VWA2: variants seen among roughly 807,000 people sequenced by gnomAD.
The protein encoded by VWA2 is von Willebrand factor A domain containing 2.
In VWA2, 73 loss-of-function variants were observed where a neutral mutation model predicts 70.4. The ratio of observed to expected loss-of-function variants is 1.04; its 90% CI spans 0.86 to 1.26. The LOEUF (loss-of-function observed/expected upper bound fraction) is 1.26, where lower values mean the gene tolerates loss of function less well. Ranked by LOEUF, VWA2 falls within the 50% of genes most tolerant of loss-of-function variation. VWA2 has a pLI of 0.00. For synonymous variants in VWA2, 407 were observed against 423.3 expected (o/e 0.96, Z 0.47); for missense variants, 1,011 against 998.5 (o/e 1.01, Z -0.17).
intron 5 of VWA2, among the ~76,000 whole-genome samples, chr10:114,268,037 C>T (rs2037612901): frequency 6.6e-6 from 1 of 152,122 alleles, no homozygotes; most frequent in Admixed American, 6.5e-5. Context: ...CTCAGAGGTG[C>T]TAGACCCAGT....
intron 6 of VWA2, among the ~76,000 whole-genome samples, 175 bp from the exon 7 acceptor site, chr10:114,277,739 G>A (rs554495548): frequency 3.3e-5 from 5 of 152,140 alleles, no homozygotes; most frequent in East Asian, 1.9e-4. Context: ...CTGTCACCTC[G>A]AACCACTTTC....
At chr10:114,246,928 C>A (rs1039745050) in intron 1 of VWA2, among the ~76,000 whole-genome samples, 2 of 152,212 alleles carry the variant, frequency 1.3e-5, no homozygotes, top group Non-Finnish European at 2.9e-5. Context: ...AAAGTAGCCA[C>A]AAGAATTGTG....
intron 10 of VWA2, among the ~76,000 whole-genome samples, 168 bp downstream of exon 10, chr10:114,285,138 T>C (rs1388819625): frequency 6.6e-6 from 1 of 152,192 alleles, no homozygotes; most frequent in Non-Finnish European, 1.5e-5. Context: ...CTGTCAGTGC[T>C]CCGTGAGTAG....
chr10:114,282,524 G>C lies in VWA2; in HGVS notation c.842G>C (p.Arg281Thr), dbSNP rs779748702. The C allele has an allele frequency of 6.2e-7, 1 of 1,614,034 alleles. No homozygotes were observed. The highest frequency in any genetic ancestry group is 8.5e-7 in the Non-Finnish European group (1 of 1,179,896). The change falls in exon 9 of 14, where the codon AGA becomes ACA. Residue 281 changes from arginine to threonine, a missense_variant. By Grantham distance (71) the Arg-to-Thr change is moderately conservative. Transcript: ENST00000392982. ...AAHCPFYSWK[R>T]VFLTHPATCY... is the part of the protein sequence containing the mutation. ...GTTTCCTTGGATTGTAGCTGGAAGA[G>C]AGTGTTCCTAACCCACCCTGCCACC...
At chr10:114,276,326 C>T (rs898708424) in intron 6 of VWA2, among the ~76,000 whole-genome samples, 17 of 152,196 alleles carry the variant, frequency 1.1e-4, no homozygotes, top group Admixed American at 7.2e-4. Context: ...CTGCTGGAAA[C>T]GCACAGCCTG....
chr10:114,287,157 G>T (rs2039003206), intron 11 of VWA2, among the ~76,000 whole-genome samples: 1 of 152,168 alleles, frequency 6.6e-6, no homozygotes, highest in Non-Finnish European at 1.5e-5. Context: ...CCTGGCCCAT[G>T]GCCAGAGATG....
chr10:114,248,740 C>T lies in VWA2; in HGVS notation c.27C>T (p.Ala9=), dbSNP rs141979531. The change falls in exon 2 of 14, where the codon GCC becomes GCT. Residue 9 remains alanine (A), a synonymous_variant. Transcript: ENST00000392982. ...TGCCCCCTTTCCTGTTGCTGGAAGCCGTCTGTGTTTTCCTGTTTTCCAGAG... is the reference window on the plus strand; with the variant it reads ...TGCCCCCTTTCCTGTTGCTGGAAGCTGTCTGTGTTTTCCTGTTTTCCAGAG... MPPFLLLE[A]VCVFLFSRVP... 4.3e-5 allele frequency: 70 copies of T among 1,613,470 alleles called. No homozygotes were observed. Among genetic ancestry groups the T allele is most frequent in the African/African-American group, 9.4e-5 (7 of 74,830 alleles).
At chr10:114,250,763 T>C (rs952020665) in intron 2 of VWA2, among the ~76,000 whole-genome samples, 9 of 152,250 alleles carry the variant, frequency 5.9e-5, no homozygotes, top group South Asian at 2.1e-4. Flanking sequence ...GCCAAGGGGT[T>C]GGGGAGTGGT....
At chr10:114,273,687 C>A (rs141971143) in intron 6 of VWA2, among the ~76,000 whole-genome samples, 49 of 152,316 alleles carry the variant, frequency 3.2e-4, no homozygotes, top group African/African-American at 1.1e-3. Context: ...ACACAGAAAT[C>A]TCTTCATTAA....
At chr10:114,289,947 G>A (rs1016712914) in intron 12 of VWA2, 14 of 313,442 alleles carry the variant, frequency 4.5e-5, no homozygotes, top group African/African-American at 1.1e-4. Flanking sequence ...AGCCAAGATC[G>A]CGCCATTGTA....
intron 11 of VWA2, among the ~76,000 whole-genome samples, chr10:114,288,326 T>C (rs2039159469): frequency 6.6e-6 from 1 of 152,246 alleles, no homozygotes; most frequent in Non-Finnish European, 1.5e-5. Context: ...TAATTCTATG[T>C]TCATTTCATG....
rs2039616540 is a variant in VWA2, at chr10:114,291,697, G to T, written c.*460G>T. Among the ~76,000 whole-genome samples, 1 of 152,244 alleles carries T rather than the reference G, an allele frequency of 6.6e-6. No homozygotes were observed. The highest frequency in any genetic ancestry group is 2.4e-5 in the African/African-American group (1 of 41,456). On this transcript the variant is annotated 3_prime_UTR_variant, in exon 14 of 14. Coordinates refer to ENST00000392982, the MANE Select transcript of VWA2 (RefSeq NM_001272046.2). ...CTAGAGCATCCTTTGGACGGCGAAG[G>T]CCACGGCCTTTCAAGATGGAAAGCA...
chr10:114,286,387 C>G lies in VWA2; in HGVS notation c.1446C>G (p.Ala482=), dbSNP rs374491884. 1.2e-6 allele frequency: 2 copies of G among 1,613,848 alleles called. No individual in the cohort carries two copies. Among genetic ancestry groups the G allele is most frequent in the East Asian group, 2.2e-5 (1 of 44,870 alleles). ...ELLLLGVGSE[A]VRAELEEITG... Reference sequence around the variant, plus strand: ...TCCTGCTGGGTGTAGGCAGTGAGGCCGTGCGGGCAGAGCTGGAGGAGATCA... The same window carrying G: ...TCCTGCTGGGTGTAGGCAGTGAGGCGGTGCGGGCAGAGCTGGAGGAGATCA... The change falls in exon 11 of 14, where the codon GCC becomes GCG. Residue 482 remains alanine (A), a synonymous_variant. Transcript: ENST00000392982.
rs1269557173 is a variant in VWA2, at chr10:114,263,328, A to T, written c.371+2033A>T. On this transcript the variant is annotated intron_variant, in intron 5 of 13. Transcript: ENST00000392982. Reference sequence around the variant, plus strand: ...CTGTGCCCAGCCAGGAATCTCCCCCATTTTTTTTTTTTTTTTTTTTTTTTG... The same window carrying T: ...CTGTGCCCAGCCAGGAATCTCCCCCTTTTTTTTTTTTTTTTTTTTTTTTTG... 9.0e-3 allele frequency among the ~76,000 whole-genome samples: 681 copies of T among 76,002 alleles called. 3 individuals are homozygous for T. The highest frequency in any genetic ancestry group is 0.03 in the African/African-American group (536 of 18,120). 49.9% of individuals were successfully genotyped at this position (76,002 alleles called of 152,430 possible). A position where few individuals can be genotyped will look rare whatever the true frequency, so the allele number is the denominator to read the frequency against.
At chr10:114,252,390 A>G (rs1468112020) in intron 2 of VWA2, among the ~76,000 whole-genome samples, 3 of 152,108 alleles carry the variant, frequency 2.0e-5, no homozygotes, top group Non-Finnish European at 4.4e-5. Flanking sequence ...TGTCTGCTCA[A>G]AGATATGGTA....
At chr10:114,280,515 C>T (rs2133394720) in intron 8 of VWA2, among the ~76,000 whole-genome samples, 1 of 152,156 alleles carries the variant, frequency 6.6e-6, no homozygotes, top group Admixed American at 6.5e-5. Flanking sequence ...GCATTTGTGT[C>T]CAGACCTGAG....
At chr10:114,261,382 C>A in intron 5 of VWA2, 87 bp downstream of exon 5, 6 of 1,069,066 alleles carry the variant, frequency 5.6e-6, no homozygotes, top group Non-Finnish European at 8.5e-6. Context: ...CTGCTCTGGG[C>A]TCACAGAGAG....
chr10:114,246,436 G>A, intron 1 of VWA2: 1 of 610,916 alleles, frequency 1.6e-6, no homozygotes, highest in Non-Finnish European at 2.8e-6. Flanking sequence ...GGGAGGCAGA[G>A]GTAGCAGTGA....
intron 11 of VWA2, among the ~76,000 whole-genome samples, 156 bp from the exon 12 acceptor site, chr10:114,288,782 G>T (rs993294955): frequency 1.1e-4 from 16 of 152,360 alleles, no homozygotes; most frequent in African/African-American, 3.6e-4. Context: ...GGAAAGTGCT[G>T]TTCTGTGGCT....
Sources: gnomAD v4.1 joint callset for allele counts (sites outside exome capture counted in the v4.1 genomes callset) on GRCh38, gnomAD v4.1.1 for gene constraint, MANE v1.5 for transcripts, NCBI Gene and HGNC (gene_info 2026-07-23, HGNC 2026-07-21) for gene names.